TNS1: variants seen among roughly 807,000 people sequenced by gnomAD.
The protein encoded by TNS1 is tensin 1, also known as tensin-1.
In TNS1, 62 loss-of-function variants were observed where a neutral mutation model predicts 168.6. The ratio of observed to expected loss-of-function variants is 0.37; its 90% CI spans 0.30 to 0.45. The LOEUF (loss-of-function observed/expected upper bound fraction) is 0.45, where lower values mean the gene tolerates loss of function less well. TNS1 is among the 20% of genes least tolerant of loss of function. The pLI, the probability that TNS1 is intolerant of heterozygous loss-of-function variation, is 1.00. For missense variants in TNS1, 2,240 were observed against 2,339.4 expected (o/e 0.96, Z 0.88); for synonymous variants, 934 against 933.2 (o/e 1.00, Z -0.02).
intron 32 of TNS1, among the ~76,000 whole-genome samples, chr2:217,807,104 C>T (rs13406815): frequency 2.0e-5 from 3 of 152,152 alleles, no homozygotes; most frequent in Admixed American, 6.5e-5. Flanking sequence ...TAACACTGAA[C>T]GTTTTGTTTT....
chr2:217,923,258 C>T (rs918849537), intron 3 of TNS1, among the ~76,000 whole-genome samples: 3 of 152,212 alleles, frequency 2.0e-5, no homozygotes, highest in Admixed American at 6.5e-5. Flanking sequence ...AGGTAAGCCC[C>T]CTTCCCCCAG....
chr2:217,940,884 G>A (rs1575120771), intron 3 of TNS1, among the ~76,000 whole-genome samples: 1 of 152,182 alleles, frequency 6.6e-6, no homozygotes, highest in East Asian at 1.9e-4. Context: ...GAAAGCTTTG[G>A]CCCCAGCCCT....
chr2:217,973,835 G>A (rs1300713460), intron 3 of TNS1, among the ~76,000 whole-genome samples: 1 of 151,784 alleles, frequency 6.6e-6, no homozygotes, highest in Non-Finnish European at 1.5e-5. Context: ...GTGACTAAGG[G>A]TTCATAGCAG....
In TNS1 at chr2:217,893,512, A is replaced by C; in HGVS notation, c.644T>G (p.Ile215Ser). The part of the protein sequence containing the change: ...PDLHTPALEK[I>S]CSICKAMDTW... ...GTCCATGGCCTTACAGATGCTGCAGATCTTCTCCAGGGCTGGGGTGTGGAG... is the reference window on the plus strand; with the variant it reads ...GTCCATGGCCTTACAGATGCTGCAGCTCTTCTCCAGGGCTGGGGTGTGGAG... The change falls in exon 10 of 33, where the codon ATC (isoleucine) becomes AGC (serine). Residue 215 changes from isoleucine to serine, a missense_variant. By Grantham distance (142) the Ile-to-Ser change is moderately radical. Transcript: ENST00000682258. The C allele has an allele frequency of 6.2e-7, 1 of 1,613,538 alleles. No homozygotes were observed. The highest frequency in any genetic ancestry group is 8.5e-7 in the Non-Finnish European group (1 of 1,179,822).
At chr2:217,910,791 A>T (rs1954313804) in intron 4 of TNS1, among the ~76,000 whole-genome samples, 1 of 150,816 alleles carries the variant, frequency 6.6e-6, no homozygotes, top group South Asian at 2.1e-4. Flanking sequence ...TCCTGGGGAC[A>T]TCTGCTCTGA....
intron 32 of TNS1, among the ~76,000 whole-genome samples, chr2:217,804,824 G>T (rs540170038): frequency 1.3e-5 from 2 of 152,132 alleles, no homozygotes; most frequent in Admixed American, 6.5e-5. Flanking sequence ...CTTGTTTAAG[G>T]GTGGGCAGAA....
intron 18 of TNS1, among the ~76,000 whole-genome samples, chr2:217,878,847 G>A (rs1950428629): frequency 6.6e-6 from 1 of 152,222 alleles, no homozygotes; most frequent in East Asian, 1.9e-4. Context: ...CTCTCATGAA[G>A]GCCGCTATAG....
rs775006584 is a variant in TNS1 at position 217,886,580 on chromosome 2, C to T, written c.933G>A (p.Leu311=). 11 of 1,606,082 alleles carry T rather than the reference C, an allele frequency of 6.8e-6. No homozygotes were observed. The highest frequency in any genetic ancestry group is 9.3e-6 in the Non-Finnish European group (11 of 1,176,710). Residue 311 remains leucine (L), a synonymous_variant, in exon 13 of 33, where the codon CTG becomes CTA. Coordinates refer to ENST00000682258, the MANE Select transcript of TNS1 (RefSeq NM_001387777.1). ...SIKMNNKPLF[L]HHVIMHGIPN... is the part of the protein sequence containing the mutation. ...GGATGCCGTGCATGATCACGTGGTG[C>T]AGAAACAAGGGCTTGTTGTTCATTT...
chr2:218,020,105 T>C (rs1023233466), intron 1 of TNS1, among the ~76,000 whole-genome samples: 2 of 152,140 alleles, frequency 1.3e-5, no homozygotes, highest in Non-Finnish European at 2.9e-5. Context: ...GGTTCCTTTT[T>C]TCTATTATTG....
intron 18 of TNS1, among the ~76,000 whole-genome samples, chr2:217,873,996 C>G (rs1242077499): frequency 1.3e-5 from 2 of 149,170 alleles, no homozygotes; most frequent in Non-Finnish European, 3.0e-5. Flanking sequence ...GCCTCCCCAC[C>G]ACCACCACCA....
chr2:218,004,688 G>C (rs1266176477), upstream of TNS1, among the ~76,000 whole-genome samples: 1 of 152,216 alleles, frequency 6.6e-6, no homozygotes, highest in East Asian at 1.9e-4. Flanking sequence ...CCTAAAGCAG[G>C]TACCTGAGTG....
chr2:217,913,550 A>G (rs1954667041), intron 4 of TNS1, among the ~76,000 whole-genome samples: 1 of 151,840 alleles, frequency 6.6e-6, no homozygotes. Flanking sequence ...AGCCACACTG[A>G]GCATCTATAC....
At chr2:217,965,449 C>T (rs1260324699) in intron 3 of TNS1, among the ~76,000 whole-genome samples, 1 of 152,166 alleles carries the variant, frequency 6.6e-6, no homozygotes, top group Non-Finnish European at 1.5e-5. Flanking sequence ...CCGGAGGCCA[C>T]AGGGACTCCA....
chr2:217,971,442 G>A (rs1957771919), intron 3 of TNS1, among the ~76,000 whole-genome samples: 1 of 152,158 alleles, frequency 6.6e-6, no homozygotes, highest in Non-Finnish European at 1.5e-5. Flanking sequence ...ACTGTACTAT[G>A]ACATTGCAAT....
intron 4 of TNS1, among the ~76,000 whole-genome samples, chr2:217,917,829 C>CAAAAAAAAAAAAAAAAA (rs79888115): frequency 2.4e-4 from 18 of 75,980 alleles, no homozygotes; most frequent in African/African-American, 7.2e-4. Context: ...AGACTGTTCT[C>CAAAAAAAAAAAAAAAAA]AAAAAAAAAA....
chr2:217,871,217 C>T (rs754446001), intron 18 of TNS1, among the ~76,000 whole-genome samples: 14 of 152,190 alleles, frequency 9.2e-5, no homozygotes, highest in Non-Finnish European at 2.1e-4. Context: ...ACCTCTCCTG[C>T]TAGTATCTCA....
rs1553602131 is a variant in TNS1, at chr2:217,893,398, G to GCGCGCA, written c.717+40_717+41insTGCGCG. 2.3e-5 allele frequency: 34 copies of GCGCGCA among 1,495,332 alleles called. No individual in the cohort carries two copies. The South Asian group carries it at 4.2e-4, about 19-fold the overall frequency. 92.6% of individuals were successfully genotyped at this position (1,495,332 alleles called of 1,614,324 possible). Reference sequence around the variant, plus strand: ...CACACACATGTGCGCATGTGCGCGCGCGCACACACACACACACACACACAC... The same window carrying GCGCGCA: ...CACACACATGTGCGCATGTGCGCGCGCGCGCACGCACACACACACACACACACACAC... On this transcript the variant is annotated intron_variant, in intron 10 of 32. Coordinates refer to ENST00000682258, the MANE Select transcript of TNS1 (RefSeq NM_001387777.1).
chr2:217,874,418 T>C (rs1950043305), intron 18 of TNS1, among the ~76,000 whole-genome samples: 1 of 152,194 alleles, frequency 6.6e-6, no homozygotes, highest in Non-Finnish European at 1.5e-5. Flanking sequence ...ATCAGCATCC[T>C]CAACATTGTT....
At chr2:218,031,488 G>A (rs564252320) in intron 1 of TNS1, among the ~76,000 whole-genome samples, 32 of 151,510 alleles carry the variant, frequency 2.1e-4, no homozygotes, top group African/African-American at 7.5e-4. Flanking sequence ...TGTGTGTTGT[G>A]TGTGAGCAAG....
Sources: allele counts gnomAD v4.1 joint callset (sites outside exome capture counted in the v4.1 genomes callset), GRCh38; gene constraint gnomAD v4.1.1; transcripts MANE v1.5; gene names NCBI Gene and HGNC (gene_info 2026-07-23, HGNC 2026-07-21).